The following IL1RAPL1 variants were observed in gnomAD, a reference collection of about 807,000 sequenced individuals.
The protein encoded by IL1RAPL1 is interleukin 1 receptor accessory protein like 1.
In IL1RAPL1, 3 loss-of-function variants were observed where a neutral mutation model predicts 48.4. The ratio of observed to expected loss-of-function variants is 0.06; its 90% CI spans 0.03 to 0.16. IL1RAPL1 has a LOEUF of 0.16. IL1RAPL1 is among the 10% of genes least tolerant of loss of function. IL1RAPL1 has a pLI of 1.00. For missense variants in IL1RAPL1, 349 were observed against 530.6 expected, an observed-to-expected ratio of 0.66 and a Z score of 3.36; for synonymous variants, 185 against 187.7, an observed-to-expected ratio of 0.99 and a Z score of 0.12.
At chrX:28,696,361 G>A (rs984517275) in intron 1 of IL1RAPL1, among the ~76,000 whole-genome samples, 1 of 111,254 alleles carries the variant, frequency 9.0e-6, no homozygotes, top group African/African-American at 3.3e-5. Context: ...ATCAATATTG[G>A]TGTTTCTGCA....
intron 3 of IL1RAPL1, among the ~76,000 whole-genome samples, chrX:29,361,197 T>C (rs772334839): frequency 9.0e-6 from 1 of 111,676 alleles, no homozygotes; most frequent in South Asian, 3.8e-4. Flanking sequence ...AACTGTAGAG[T>C]ATAGAATCTA....
intron 5 of IL1RAPL1, among the ~76,000 whole-genome samples, chrX:29,413,426 C>T (rs763605112): frequency 4.8e-4 from 53 of 110,223 alleles, no homozygotes; most frequent in African/African-American, 1.4e-3. Flanking sequence ...CATATGTATA[C>T]ATGTGCCATG....
chrX:29,164,721 C>T (rs1391868357), intron 2 of IL1RAPL1, among the ~76,000 whole-genome samples: 3 of 111,854 alleles, frequency 2.7e-5, no homozygotes, highest in African/African-American at 9.8e-5. Context: ...CATTTTTTCA[C>T]TCACAGACTT....
At chrX:29,945,217 A>G in intron 9 of IL1RAPL1, among the ~76,000 whole-genome samples, 1 of 111,786 alleles carries the variant, frequency 8.9e-6, no homozygotes, top group Middle Eastern at 4.6e-3. Flanking sequence ...AGCCTCCTAT[A>G]CATGCTTTTA....
chrX:29,316,673 G>C (rs1932771560), intron 3 of IL1RAPL1, among the ~76,000 whole-genome samples: 1 of 111,806 alleles, frequency 8.9e-6, no homozygotes, highest in South Asian at 3.8e-4. Flanking sequence ...TGGATTCGGA[G>C]ATTCTTTAAT....
At chrX:29,942,917 G>C (rs940959338) in intron 9 of IL1RAPL1, among the ~76,000 whole-genome samples, 7 of 110,687 alleles carry the variant, frequency 6.3e-5, no homozygotes, top group African/African-American at 2.3e-4. Context: ...TACTGCACCC[G>C]GTCTCATCAT....
At chrX:29,840,239 C>T (rs113966456) in intron 6 of IL1RAPL1, among the ~76,000 whole-genome samples, 4,519 of 111,597 alleles carry the variant, frequency 0.04, 217 homozygotes, top group African/African-American at 0.14. Flanking sequence ...CTGATATTAA[C>T]GGACGGATGT....
Position 29,182,575 on chromosome X carries a change from GT to G in IL1RAPL1, c.83-100349del, listed in dbSNP as rs199891181. 2.3e-3 allele frequency among the ~76,000 whole-genome samples: 231 copies of G among 99,416 alleles called. 1 individual carries two copies. The highest frequency in any genetic ancestry group is 4.1e-3 in the African/African-American group (113 of 27,552). 86.3% of individuals were successfully genotyped at this position (99,416 alleles called of 115,157 possible). A position where few individuals can be genotyped will look rare whatever the true frequency, so the allele number is the denominator to read the frequency against. Reference sequence around the variant, plus strand: ...GTTAAATTACACGCTCATGTACTTAGTTTTTTTTTTTTTTCACCTTTGTCAA... The same window carrying G: ...GTTAAATTACACGCTCATGTACTTAGTTTTTTTTTTTTTCACCTTTGTCAA... On this transcript the variant is annotated intron_variant, in intron 2 of 10. Transcript: ENST00000378993.
intron 2 of IL1RAPL1, among the ~76,000 whole-genome samples, chrX:29,059,657 C>A (rs770546792): frequency 9.0e-6 from 1 of 111,614 alleles, no homozygotes; most frequent in Admixed American, 9.6e-5. Context: ...AAGAATAATG[C>A]TGGGAAGTCT....
chrX:29,314,749 TAGTAAA>T (rs1296698356), intron 3 of IL1RAPL1, among the ~76,000 whole-genome samples: 10 of 112,389 alleles, frequency 8.9e-5, no homozygotes, highest in African/African-American at 2.9e-4. Flanking sequence ...ACCTGGCACT[TAGTAAA>T]AGTACAATGG....
intron 6 of IL1RAPL1, among the ~76,000 whole-genome samples, chrX:29,738,689 T>C (rs143668208): frequency 0.036 from 3,941 of 110,984 alleles, 183 homozygotes; most frequent in African/African-American, 0.12. Flanking sequence ...ATCTGCCTGC[T>C]TCGGCCTCCC....
At chrX:28,985,954 C>T (rs1410585286) in intron 2 of IL1RAPL1, among the ~76,000 whole-genome samples, 3 of 111,931 alleles carry the variant, frequency 2.7e-5, no homozygotes, top group East Asian at 5.6e-4. Context: ...CCACCGCGCC[C>T]GGCCCCTAAC....
intron 6 of IL1RAPL1, among the ~76,000 whole-genome samples, chrX:29,822,429 ACTT>A (rs1239252461): frequency 1.8e-5 from 2 of 110,152 alleles, no homozygotes; most frequent in Non-Finnish European, 3.8e-5. Context: ...ATTTTTTTGA[ACTT>A]CTTTTTTGTG....
intron 1 of IL1RAPL1, among the ~76,000 whole-genome samples, chrX:28,732,887 T>C (rs1935772408): frequency 9.0e-6 from 1 of 111,381 alleles, no homozygotes; most frequent in African/African-American, 3.3e-5. Flanking sequence ...TAATAATTAA[T>C]AATTTGTTTC....
intron 1 of IL1RAPL1, among the ~76,000 whole-genome samples, chrX:28,718,322 T>A (rs1035569173): frequency 8.9e-6 from 1 of 111,946 alleles, no homozygotes; most frequent in Admixed American, 9.5e-5. Flanking sequence ...AATTTATAAA[T>A]GAATTAAAAA....
chrX:29,328,344 A>G (rs1261126855), intron 3 of IL1RAPL1, among the ~76,000 whole-genome samples: 2 of 111,365 alleles, frequency 1.8e-5, no homozygotes, highest in South Asian at 7.4e-4. Flanking sequence ...ATCAAGGCCA[A>G]TGAAAAGGCT....
intron 2 of IL1RAPL1, among the ~76,000 whole-genome samples, chrX:29,250,342 G>GA (rs776171509): frequency 8.9e-6 from 1 of 112,276 alleles, no homozygotes; most frequent in African/African-American, 3.2e-5. Context: ...CCAAGTTAAT[G>GA]AACTTGAGTG....
intron 2 of IL1RAPL1, among the ~76,000 whole-genome samples, chrX:29,090,081 C>A (rs1387301200): frequency 9.2e-6 from 1 of 108,255 alleles, no homozygotes; most frequent in Non-Finnish European, 1.9e-5. Flanking sequence ...AACATTACTG[C>A]ATTGTATAAT....
At chrX:29,201,046 A>G (rs945275809) in intron 2 of IL1RAPL1, among the ~76,000 whole-genome samples, 2 of 110,841 alleles carry the variant, frequency 1.8e-5, no homozygotes, top group Non-Finnish European at 3.8e-5. Flanking sequence ...GGAATTTTTC[A>G]TTCACTCTTT....
Sources: allele counts gnomAD v4.1 joint callset (sites outside exome capture counted in the v4.1 genomes callset), GRCh38; gene constraint gnomAD v4.1.1; transcripts MANE v1.5; gene names NCBI Gene and HGNC (gene_info 2026-07-23, HGNC 2026-07-21).